The following IPO13 variants were observed in gnomAD, a reference collection of about 807,000 sequenced individuals.
IPO13 encodes importin-13.
A neutral mutation model predicts 115.5 loss-of-function variants in IPO13; 28 were observed. The observed-to-expected ratio is 0.24, with a 90% CI of 0.18 to 0.33. IPO13 has a LOEUF of 0.33. Ranked by LOEUF, IPO13 falls within the 10% of genes least tolerant of loss-of-function variation. The pLI, the probability that IPO13 is intolerant of heterozygous loss-of-function variation, is 1.00. For missense variants in IPO13, 785 were observed against 1,204.6 expected (o/e 0.65, Z 5.16); for synonymous variants, 414 against 478.9 (o/e 0.86, Z 1.77).
chr1:43,963,336 A>G (rs577418167), intron 14 of IPO13, among the ~76,000 whole-genome samples: 1 of 152,304 alleles, frequency 6.6e-6, no homozygotes, highest in South Asian at 2.1e-4. Context: ...GCAGTGTCCA[A>G]CATCATATAC....
At position 43,966,604 on chromosome 1, in the gene IPO13, G is replaced by A; in HGVS notation, c.2427G>A (p.Leu809=). 3 of 1,614,166 alleles carry A rather than the reference G, an allele frequency of 1.9e-6. No individual in the cohort carries two copies. The highest frequency in any genetic ancestry group is 1.3e-5 in the African/African-American group (1 of 75,024). Reference sequence around the variant, plus strand: ...TGAAGCGGAAGCCAGATTTGTTCCTGTGTGAACGATTGGATGTCAAAGCTG... The same window carrying A: ...TGAAGCGGAAGCCAGATTTGTTCCTATGTGAACGATTGGATGTCAAAGCTG... The part of the protein sequence containing the change: ...QALKRKPDLF[L]CERLDVKAVF... Residue 809 remains leucine, a synonymous_variant, in exon 16 of 20, where the codon CTG becomes CTA. Transcript: ENST00000372343. This position sits in a 1 kb window ranked among gnomAD's most constrained non-coding sequence, Gnocchi z 4.1.
At chr1:43,961,357 G>T in intron 14 of IPO13, 95 bp downstream of exon 14, 1 of 964,516 alleles carries the variant, frequency 1.0e-6, no homozygotes, top group African/African-American at 1.6e-5. Context: ...GTTCTTCTCT[G>T]TCCCCTGAGT....
At position 43,957,392 on chromosome 1, in the gene IPO13, CTT is replaced by C. The variant is rs2085258579; in HGVS notation, c.1393-8_1393-7del. On this transcript the variant is annotated splice_region_variant and splice_polypyrimidine_tract_variant and intron_variant, in intron 6 of 19. Transcript: ENST00000372343. ...TCCTCATCCAAGCCAGTGGCACCCT[CTT>C]TCCCCAGCACACAGAGGCCCTCCTC... 6.2e-7 allele frequency: 1 copy of C among 1,614,032 alleles called. No homozygotes were observed. Among genetic ancestry groups the C allele is most frequent in the African/African-American group, 1.3e-5 (1 of 74,936 alleles).
chr1:43,966,428 G>A lies in IPO13; in HGVS notation c.2398-147G>A. The A allele has an allele frequency of 1.3e-6, 1 of 749,232 alleles. No individual in the cohort carries two copies. The highest frequency in any genetic ancestry group is 2.3e-6 in the Non-Finnish European group (1 of 431,340). 46.4% of individuals were successfully genotyped at this position (749,232 alleles called of 1,614,324 possible). On this transcript the variant is annotated intron_variant, in intron 15 of 19. Coordinates refer to ENST00000372343, the MANE Select transcript of IPO13 (RefSeq NM_014652.4). The surrounding 1 kb of genome is among the most constrained non-coding windows in gnomAD (Gnocchi z 4.1). ...ACCTGACCTACTGAACTCTGAGGTG[G>A]TCCGGGTCCCCCAGAGATGGCTGGG...
At position 43,959,301 on chromosome 1, in the gene IPO13, C is replaced by T. The variant is rs538833603; in HGVS notation, c.2028+412C>T. On this transcript the variant is annotated intron_variant, in intron 11 of 19. Transcript: ENST00000372343. ...CACTAAGGATGCTCATTACCTCCTC[C>T]GCATGTAATAGTTCTGGCCTTCAAG... 4.6e-5 allele frequency among the ~76,000 whole-genome samples: 7 copies of T among 152,322 alleles called. No homozygotes were observed. The East Asian group carries it at 1.4e-3, about 29-fold the overall frequency.
At chr1:43,957,688 C>A in intron 7 of IPO13, 139 bp downstream of exon 7, 1 of 1,115,420 alleles carries the variant, frequency 9.0e-7, no homozygotes, top group Non-Finnish European at 1.3e-6. Flanking sequence ...AACTGACTGT[C>A]CTGGCAGGTC....
chr1:43,958,612 G>A lies in IPO13; in HGVS notation c.1884+17G>A. ...GAGGAGATAGTGAGTGAGCTCTGGG[G>A]GCCAGGGAGCGGTACTGAGATGCTG... On this transcript the variant is annotated intron_variant, in intron 10 of 19. Coordinates refer to ENST00000372343, the MANE Select transcript of IPO13 (RefSeq NM_014652.4). The surrounding 1 kb of genome is among the most constrained non-coding windows in gnomAD (Gnocchi z 6.3). The A allele has an allele frequency of 1.2e-6, 2 of 1,614,014 alleles. No homozygotes were observed. The highest frequency in any genetic ancestry group is 1.7e-6 in the Non-Finnish European group (2 of 1,180,012).
In IPO13 at chr1:43,966,536, G is replaced by C. The variant is rs1294339782; in HGVS notation, c.2398-39G>C. The C allele has an allele frequency of 6.2e-7, 1 of 1,608,282 alleles. No individual in the cohort carries two copies. Among genetic ancestry groups the C allele is most frequent in the South Asian group, 1.1e-5 (1 of 90,962 alleles). ...GTGAGTGGGGGGGATGGTCCTTGGAGCTGGCTGGGGCTGGGCTTACCAGCT... is the reference window on the plus strand; with the variant it reads ...GTGAGTGGGGGGGATGGTCCTTGGACCTGGCTGGGGCTGGGCTTACCAGCT... On this transcript the variant is annotated intron_variant, in intron 15 of 19. Transcript: ENST00000372343. The surrounding 1 kb of genome is among the most constrained non-coding windows in gnomAD (Gnocchi z 4.1).
At position 43,957,487 on chromosome 1, in the gene IPO13, G is replaced by A. The variant is rs775021377; in HGVS notation, c.1478G>A (p.Gly493Asp). ...TCTGATGTGGTGCCTGGGCTCATTGGCCTCATCCCACGGATCAGCATCAGC... is the reference window on the plus strand; with the variant it reads ...TCTGATGTGGTGCCTGGGCTCATTGACCTCATCCCACGGATCAGCATCAGC... Reference protein sequence around the residue: ...NYSDVVPGLIGLIPRISISNV... With the variant: ...NYSDVVPGLIDLIPRISISNV... Residue 493 changes from glycine (G) to aspartate (D), a missense_variant, in exon 7 of 20, where the codon GGC becomes GAC. This residue lies in a region of IPO13 where 175 missense variants were observed against 360.0 expected (regional missense o/e 0.49). Transcript: ENST00000372343. The A allele has an allele frequency of 6.2e-7, 1 of 1,614,082 alleles. No individual in the cohort carries two copies. Among genetic ancestry groups the A allele is most frequent in the African/African-American group, 1.3e-5 (1 of 74,920 alleles).
intron 11 of IPO13, 120 bp from the exon 12 acceptor site, chr1:43,960,129 T>C: frequency 1.2e-6 from 1 of 858,126 alleles, no homozygotes; most frequent in South Asian, 1.4e-5. Flanking sequence ...CCCTGGGTCC[T>C]CAATGTGTGT....
At position 43,966,147 on chromosome 1, in the gene IPO13, GCT is replaced by G. The variant is rs748059398; in HGVS notation, c.2398-426_2398-425del. On this transcript the variant is annotated intron_variant, in intron 15 of 19. Transcript: ENST00000372343. The surrounding 1 kb of genome is among the most constrained non-coding windows in gnomAD (Gnocchi z 4.1). The stretch of plus-strand genomic sequence containing the variant: ...TGGGAGGAGGGCTGTTGGGCTGAGG[GCT>G]CCCTGTCTGGCTGCCATCTCTTCTT... 23 of 262,982 alleles carry G rather than the reference GCT, an allele frequency of 8.7e-5. No individual in the cohort carries two copies. The highest frequency in any genetic ancestry group is 1.3e-4 in the African/African-American group (6 of 45,396). The allele number at this position is 262,982 out of a possible 1,614,324, so 16.3% of individuals were successfully genotyped here.
rs201948211 is a variant in IPO13, at chr1:43,957,428, C to T, written c.1419C>T (p.Phe473=). ...WQHTEALLYG[F]QSIAETIDVN... is the part of the protein sequence containing the mutation. ...ACACAGAGGCCCTCCTCTACGGCTT[C>T]CAATCCATCGCAGAGACCATTGACG... Residue 473 remains phenylalanine (F), a synonymous_variant, in exon 7 of 20, where the codon TTC becomes TTT. Coordinates refer to ENST00000372343, the MANE Select transcript of IPO13 (RefSeq NM_014652.4). 230 of 1,614,128 alleles carry T rather than the reference C, an allele frequency of 1.4e-4. No individual in the cohort carries two copies. The highest frequency in any genetic ancestry group is 1.9e-4 in the Non-Finnish European group (219 of 1,180,044).
chr1:43,966,874 G>C lies in IPO13; in HGVS notation c.2524-56G>C. 6.2e-7 allele frequency: 1 copy of C among 1,609,088 alleles called. No individual in the cohort carries two copies. The highest frequency in any genetic ancestry group is 2.2e-5 in the East Asian group (1 of 44,856). On this transcript the variant is annotated intron_variant, in intron 17 of 19. Coordinates refer to ENST00000372343, the MANE Select transcript of IPO13 (RefSeq NM_014652.4). This position sits in a 1 kb window ranked among gnomAD's most constrained non-coding sequence, Gnocchi z 4.1. ...AGTAGGGCTGGGGTGTACAGGTCTT[G>C]TCCTCAGGGAGAGCTGGGAAGGAGC...
At chr1:43,954,573 G>A (rs1009397447) in intron 2 of IPO13, among the ~76,000 whole-genome samples, 17 of 152,114 alleles carry the variant, frequency 1.1e-4, no homozygotes, top group Non-Finnish European at 1.6e-4. Context: ...TCTGATCCCC[G>A]CTATTAGAGT....
chr1:43,962,812 A>G (rs1204330027), intron 14 of IPO13, among the ~76,000 whole-genome samples: 2 of 152,252 alleles, frequency 1.3e-5, no homozygotes, highest in Admixed American at 6.5e-5. Flanking sequence ...ATCACACACA[A>G]TAATCAGCTT....
At chr1:43,951,514 A>G (rs2154302082) in intron 2 of IPO13, among the ~76,000 whole-genome samples, 1 of 152,284 alleles carries the variant, frequency 6.6e-6, no homozygotes, top group South Asian at 2.1e-4. Flanking sequence ...AAATCATTAG[A>G]TGTGATTAGA....
rs1454351655 is a variant in IPO13 at position 43,967,360 on chromosome 1, G to A, written c.2659G>A (p.Asp887Asn). 9 of 1,614,130 alleles carry A rather than the reference G, an allele frequency of 5.6e-6. No homozygotes were observed. Among genetic ancestry groups the A allele is most frequent in the Middle Eastern group, 1.6e-4 (1 of 6,062 alleles). ...CCGCAGCCTCATGGACTGCTTTGCC[G>A]ATATCCTGTTCGCCCTGAACAAGCA... Reference protein sequence around the residue: ...ASRSLMDCFADILFALNKHCF... With the variant: ...ASRSLMDCFANILFALNKHCF... Residue 887 changes from aspartate to asparagine, a missense_variant, in exon 19 of 20, where the codon GAT becomes AAT. Asp to Asn is a conservative substitution (Grantham distance 23). Around this residue, in one of 3 missense-constraint regions of IPO13, gnomAD observed 285 missense variants for 394.8 expected, o/e 0.72. Transcript: ENST00000372343. This position sits in a 1 kb window ranked among gnomAD's most constrained non-coding sequence, Gnocchi z 6.1.
At position 43,952,398 on chromosome 1, in the gene IPO13, A is replaced by G. The variant is rs2085215465; in HGVS notation, c.821+2245A>G. Among the ~76,000 whole-genome samples, 1 of 152,108 alleles carries G rather than the reference A, an allele frequency of 6.6e-6. No individual in the cohort carries two copies. Among genetic ancestry groups the G allele is most frequent in the Non-Finnish European group, 1.5e-5 (1 of 68,022 alleles). On this transcript the variant is annotated intron_variant, in intron 2 of 19. Transcript: ENST00000372343. This position sits in a 1 kb window ranked among gnomAD's most constrained non-coding sequence, Gnocchi z 4.7. ...TTGGTCAGGCTGGTCTTGAACTCCTAACCTCAGGTGATCCATCTGCCTCCG... is the reference window on the plus strand; with the variant it reads ...TTGGTCAGGCTGGTCTTGAACTCCTGACCTCAGGTGATCCATCTGCCTCCG...
rs2085250223 is a variant in IPO13, at chr1:43,956,575, A to C, written c.978A>C (p.Gln326His). Residue 326 changes from glutamine to histidine, a missense_variant, in exon 4 of 20, where the codon CAA becomes CAC. Physicochemically the swap from Gln to His is conservative, Grantham distance 24 (BLOSUM62 0). Around this residue, in one of 3 missense-constraint regions of IPO13, gnomAD observed 325 missense variants for 449.8 expected, o/e 0.72. Transcript: ENST00000372343. This position sits in a 1 kb window ranked among gnomAD's most constrained non-coding sequence, Gnocchi z 4.7. ...CTCTCCCCAGGGCCTTGCTGGACCAAGTAGAGCACTGGCAGAGTTTCCTGG... is the reference window on the plus strand; with the variant it reads ...CTCTCCCCAGGGCCTTGCTGGACCACGTAGAGCACTGGCAGAGTTTCCTGG... ...GENHSRALLD[Q>H]VEHWQSFLAL... 10 of 1,614,218 alleles carry C rather than the reference A, an allele frequency of 6.2e-6. No individual in the cohort carries two copies. Among genetic ancestry groups the C allele is most frequent in the Non-Finnish European group, 8.5e-6 (10 of 1,180,040 alleles).
Sources: gnomAD v4.1 joint callset for allele counts (sites outside exome capture counted in the v4.1 genomes callset) on GRCh38, gnomAD v4.1.1 for gene constraint, gnomAD v4.1.1 regional missense constraint, Gnocchi (gnomAD v3.1) non-coding constraint, MANE v1.5 for transcripts, NCBI Gene and HGNC (gene_info 2026-07-23, HGNC 2026-07-21) for gene names.